Variants in DPP6 observed in about 807,000 individuals in gnomAD.
DPP6 encodes the protein A-type potassium channel modulatory protein DPP6.
In DPP6, 69 loss-of-function variants were observed where a neutral mutation model predicts 122.6. The ratio of observed to expected loss-of-function variants is 0.56; its 90% CI spans 0.46 to 0.69. DPP6 has a LOEUF of 0.69. Ranked by LOEUF, DPP6 falls within the 30% of genes least tolerant of loss-of-function variation. DPP6 has a pLI of 0.00. For synonymous variants in DPP6, 418 were observed against 433.1 expected (o/e 0.97, Z 0.43); for missense variants, 928 against 1,116.9 (o/e 0.83, Z 2.41).
intron 1 of DPP6, among the ~76,000 whole-genome samples, chr7:154,091,715 C>A (rs368628648): frequency 6.6e-6 from 1 of 152,152 alleles, no homozygotes; most frequent in African/African-American, 2.4e-5. Context: ...TCTTCCCCCC[C>A]TCACCACGTG....
At chr7:154,576,003 CAG>C (rs1318107689) in intron 5 of DPP6, among the ~76,000 whole-genome samples, 1 of 152,084 alleles carries the variant, frequency 6.6e-6, no homozygotes, top group Non-Finnish European at 1.5e-5. Flanking sequence ...CATCCCCAGA[CAG>C]GGGGAAGTCC....
the DPP6 span, among the ~76,000 whole-genome samples, chr7:153,845,181 TA>T: frequency 6.6e-6 from 1 of 152,178 alleles, no homozygotes; most frequent in African/African-American, 2.4e-5. Flanking sequence ...AATCTTATAT[TA>T]AGAATGCTTA....
chr7:154,871,101 A>G (rs1804352296), intron 18 of DPP6, among the ~76,000 whole-genome samples: 1 of 152,132 alleles, frequency 6.6e-6, no homozygotes, highest in African/African-American at 2.4e-5. Flanking sequence ...TCACCCTGGC[A>G]AGATCCCTTT....
intron 1 of DPP6, among the ~76,000 whole-genome samples, chr7:153,966,153 T>C (rs1175208796): frequency 2.0e-5 from 2 of 99,390 alleles, no homozygotes; most frequent in African/African-American, 7.1e-5. Flanking sequence ...TCTCGTGGCG[T>C]TGAAAAGCTT....
the DPP6 span, among the ~76,000 whole-genome samples, chr7:153,862,697 A>C: frequency 6.6e-6 from 1 of 152,238 alleles, no homozygotes; most frequent in African/African-American, 2.4e-5. Context: ...AGAACAAGCT[A>C]GATTTGGTGG....
chr7:153,865,964 C>G, the DPP6 span, among the ~76,000 whole-genome samples: 1 of 151,992 alleles, frequency 6.6e-6, no homozygotes, highest in African/African-American at 2.4e-5. Flanking sequence ...CATCCATGTC[C>G]CTATAAAGGA....
chr7:154,318,870 G>C (rs7800873), intron 1 of DPP6, among the ~76,000 whole-genome samples: 76,662 of 152,060 alleles, frequency 0.5, 20,880 homozygotes, highest in East Asian at 0.64. Flanking sequence ...CTGGCCATTC[G>C]AGGGCCATGC....
chr7:154,044,620 T>G (rs529774339), intron 1 of DPP6, among the ~76,000 whole-genome samples: 1 of 152,330 alleles, frequency 6.6e-6, no homozygotes, highest in Admixed American at 6.5e-5. Flanking sequence ...ATCAACTCGT[T>G]TTTTAAATTT....
intron 5 of DPP6, among the ~76,000 whole-genome samples, chr7:154,571,520 C>A (rs1312155472): frequency 2.0e-5 from 3 of 152,024 alleles, no homozygotes; most frequent in African/African-American, 4.8e-5. Flanking sequence ...TTTCAAAGAC[C>A]TAAGAGAAAA....
intron 7 of DPP6, among the ~76,000 whole-genome samples, chr7:154,717,015 T>G (rs1348729069): frequency 2.0e-5 from 3 of 152,140 alleles, no homozygotes; most frequent in African/African-American, 7.2e-5. Flanking sequence ...GTATTTTTAG[T>G]AGAGACAGAG....
intron 1 of DPP6, among the ~76,000 whole-genome samples, chr7:153,946,565 G>C (rs1451786277): frequency 6.6e-6 from 1 of 152,070 alleles, no homozygotes; most frequent in Non-Finnish European, 1.5e-5. Context: ...TTTGTGACTT[G>C]TATCTTGTGC....
chr7:153,912,615 G>T (rs1800139431), intron 1 of DPP6, among the ~76,000 whole-genome samples: 5 of 152,152 alleles, frequency 3.3e-5, no homozygotes, highest in Admixed American at 3.3e-4. Context: ...GAGAATAATA[G>T]GGTGAACTTG....
At chr7:154,447,725 A>G (rs1321634873) in intron 2 of DPP6, among the ~76,000 whole-genome samples, 1 of 152,264 alleles carries the variant, frequency 6.6e-6, no homozygotes, top group Non-Finnish European at 1.5e-5. Flanking sequence ...ATTATACACC[A>G]TGACCAAATA....
intron 1 of DPP6, among the ~76,000 whole-genome samples, chr7:153,971,981 A>C (rs71530405): frequency 0.019 from 2,596 of 139,514 alleles, 83 homozygotes; most frequent in African/African-American, 0.05. Flanking sequence ...TTTCCTGTCT[A>C]TTACAGATGA....
chr7:153,878,178 A>C, the DPP6 span, among the ~76,000 whole-genome samples: 1 of 152,204 alleles, frequency 6.6e-6, no homozygotes, highest in Non-Finnish European at 1.5e-5. Flanking sequence ...GTGTGGGAGT[A>C]ATTTTGTGCA....
chr7:153,865,351 T>C, the DPP6 span, among the ~76,000 whole-genome samples: 1 of 152,162 alleles, frequency 6.6e-6, no homozygotes, highest in African/African-American at 2.4e-5. Flanking sequence ...ATTTATTTTT[T>C]AGATTTTAAT....
intron 1 of DPP6, among the ~76,000 whole-genome samples, chr7:154,409,995 G>T (rs962125757): frequency 6.6e-6 from 1 of 152,192 alleles, no homozygotes; most frequent in South Asian, 2.1e-4. Context: ...TTAAGCACAG[G>T]TACAGTCATT....
intron 16 of DPP6, among the ~76,000 whole-genome samples, chr7:154,850,727 G>A (rs929627324): frequency 6.6e-6 from 1 of 152,118 alleles, no homozygotes; most frequent in African/African-American, 2.4e-5. Flanking sequence ...TATCCAATTT[G>A]TTGCCATGTA....
intron 6 of DPP6, among the ~76,000 whole-genome samples, chr7:154,640,129 C>G (rs1835975960): frequency 6.6e-6 from 1 of 152,070 alleles, no homozygotes; most frequent in African/African-American, 2.4e-5. Flanking sequence ...GTGCACACCT[C>G]TAGTCCCAGC....
Sources: gnomAD v4.1 joint callset for allele counts (sites outside exome capture counted in the v4.1 genomes callset) on GRCh38, gnomAD v4.1.1 for gene constraint, MANE v1.5 for transcripts, NCBI Gene and HGNC (gene_info 2026-07-23, HGNC 2026-07-21) for gene names.